Variants in CLEC18A observed in about 807,000 individuals in gnomAD.
CLEC18A encodes the protein mannose receptor-like 1.
A neutral mutation model predicts 24.0 loss-of-function variants in CLEC18A; 5 were observed. The observed-to-expected ratio is 0.21, with a 90% CI of 0.11 to 0.44. The LOEUF is 0.44. CLEC18A is among the 20% of genes least tolerant of loss of function. The probability of loss-of-function intolerance (pLI) is 0.99; values close to 1 mark genes in which losing one functional copy is unlikely to be tolerated. For missense variants in CLEC18A, 83 were observed against 233.4 expected (o/e 0.36, Z 4.20); for synonymous variants, 29 against 100.1 (o/e 0.29, Z 4.24).
At chr16:69,954,783 C>T (rs1246794669) in intron 3 of CLEC18A, among the ~76,000 whole-genome samples, 7 of 152,066 alleles carry the variant, frequency 4.6e-5, no homozygotes, top group Admixed American at 3.9e-4. Context: ...CTGCAACCTC[C>T]GCCTCCTGGG....
intron 3 of CLEC18A, among the ~76,000 whole-genome samples, chr16:69,956,095 A>G (rs1398621681): frequency 6.6e-6 from 1 of 151,498 alleles, no homozygotes; most frequent in African/African-American, 2.4e-5. Flanking sequence ...AAAAATACAT[A>G]AATTACCCAG....
upstream of CLEC18A, among the ~76,000 whole-genome samples, chr16:69,946,199 A>G (rs2058910534): frequency 8.2e-6 from 1 of 121,710 alleles, no homozygotes; most frequent in African/African-American, 2.8e-5. Flanking sequence ...ACGTGAACCC[A>G]GGAGGCGGAG....
At chr16:69,946,151 G>A (rs1271229492), upstream of CLEC18A, among the ~76,000 whole-genome samples, 4 of 87,688 alleles carry the variant, frequency 4.6e-5, no homozygotes, top group African/African-American at 8.6e-5. Context: ...GCAGGTGCTT[G>A]TAATCTCAGC....
chr16:69,948,476 G>A (rs1426680663), upstream of CLEC18A, among the ~76,000 whole-genome samples: 4 of 151,674 alleles, frequency 2.6e-5, no homozygotes, highest in African/African-American at 7.3e-5. Flanking sequence ...TGACTCGAAC[G>A]CTATAACCTT....
chr16:69,966,359 C>T (rs4985383), downstream of CLEC18A, among the ~76,000 whole-genome samples: 3,623 of 130,704 alleles, frequency 0.028, 676 homozygotes, highest in Middle Eastern at 0.059. Flanking sequence ...GGGCTGTGTT[C>T]CCAGGCGGTT....
At chr16:69,965,347 G>A (rs1417256443), downstream of CLEC18A, among the ~76,000 whole-genome samples, 3 of 152,042 alleles carry the variant, frequency 2.0e-5, no homozygotes, top group Admixed American at 6.5e-5. Context: ...GGCTCGGTCT[G>A]GTTCCCGGGT....
downstream of CLEC18A, among the ~76,000 whole-genome samples, chr16:69,965,517 C>A (rs543579486): frequency 3.9e-4 from 59 of 151,252 alleles, no homozygotes; most frequent in Admixed American, 1.1e-3. Flanking sequence ...ACAGCACAGG[C>A]GGGGCGGCCG....
At chr16:69,951,656 TGGACTGGGGAGGAAGGAGGAGGAAGGA>T in intron 1 of CLEC18A, 166 bp downstream of exon 1, 2 of 1,095,980 alleles carry the variant, frequency 1.8e-6, no homozygotes, top group South Asian at 3.3e-5. Flanking sequence ...GGGTGGATGC[TGGACTGGGGAGGAAGGAGGAGGAAGGA>T]GGACCAGGGC....
upstream of CLEC18A, among the ~76,000 whole-genome samples, chr16:69,946,392 ATTTTTT>A (rs56112480): frequency 5.8e-3 from 491 of 84,074 alleles, 1 homozygote; most frequent in South Asian, 0.015. Flanking sequence ...ATGTGTATGG[ATTTTTT>A]TTTTTTTTTT....
At chr16:69,946,230 G>C (rs1461273240), upstream of CLEC18A, among the ~76,000 whole-genome samples, 27 of 127,172 alleles carry the variant, frequency 2.1e-4, no homozygotes, top group South Asian at 1.9e-3. Context: ...GAAGAGATCA[G>C]GCCACTGCAC....
the CLEC18A span, among the ~76,000 whole-genome samples, chr16:69,945,160 C>T: frequency 2.0e-5 from 3 of 148,274 alleles, no homozygotes; most frequent in East Asian, 5.9e-4. Flanking sequence ...TATGGTGGCA[C>T]GTGCCTATCG....
At chr16:69,950,385 G>A (rs1465035144), upstream of CLEC18A, among the ~76,000 whole-genome samples, 2 of 128,748 alleles carry the variant, frequency 1.6e-5, no homozygotes, top group Non-Finnish European at 3.7e-5. Flanking sequence ...GTGGGCATTA[G>A]GTTGCAGCCC....
chr16:69,947,778 G>A (rs1597203324), upstream of CLEC18A, among the ~76,000 whole-genome samples: 1 of 58,068 alleles, frequency 1.7e-5, no homozygotes, highest in African/African-American at 5.0e-5. Flanking sequence ...GCAGTGGTGT[G>A]ATCTCAGCTC....
At chr16:69,946,684 G>T (rs2058912034), upstream of CLEC18A, among the ~76,000 whole-genome samples, 1 of 150,506 alleles carries the variant, frequency 6.6e-6, no homozygotes, top group Non-Finnish European at 1.5e-5. Context: ...GATTACAGGT[G>T]TCAGCCACTG....
the CLEC18A span, among the ~76,000 whole-genome samples, chr16:69,943,701 C>T: frequency 6.7e-6 from 1 of 150,032 alleles, no homozygotes; most frequent in Non-Finnish European, 1.5e-5. Context: ...TGTTTCCACG[C>T]CTAGGACATG....
the CLEC18A span, among the ~76,000 whole-genome samples, chr16:69,944,353 C>T: frequency 6.6e-6 from 1 of 151,894 alleles, no homozygotes; most frequent in Non-Finnish European, 1.5e-5. Flanking sequence ...ATGTTCTTTT[C>T]CTTTGCTACC....
At chr16:69,956,387 G>C (rs1177666806) in intron 3 of CLEC18A, among the ~76,000 whole-genome samples, 1 of 117,566 alleles carries the variant, frequency 8.5e-6, no homozygotes, top group Non-Finnish European at 1.7e-5. Context: ...ACGGAGTCTT[G>C]CTCTGTCGCG....
At chr16:69,954,695 G>A in intron 3 of CLEC18A, 122 bp downstream of exon 3, 1 of 1,485,904 alleles carries the variant, frequency 6.7e-7, no homozygotes, top group Non-Finnish European at 9.0e-7. Context: ...AATTGGTTTA[G>A]TTTTACTTTT....
chr16:69,948,274 C>T (rs2058914340), upstream of CLEC18A, among the ~76,000 whole-genome samples: 1 of 105,014 alleles, frequency 9.5e-6, no homozygotes, highest in African/African-American at 4.0e-5. Flanking sequence ...AGCTTGGCCT[C>T]CCAAAGTGCT....
Sources: allele counts gnomAD v4.1 joint callset (sites outside exome capture counted in the v4.1 genomes callset), GRCh38; gene constraint gnomAD v4.1.1; transcripts MANE v1.5; gene names NCBI Gene and HGNC (gene_info 2026-07-23, HGNC 2026-07-21).